CNTNAP2: variants seen among roughly 807,000 people sequenced by gnomAD.
CNTNAP2 encodes the protein contactin-associated protein-like 2.
A neutral mutation model predicts 155.2 loss-of-function variants in CNTNAP2; 98 were observed. The observed-to-expected ratio is 0.63, with a 90% CI of 0.54 to 0.75. The LOEUF is 0.75. Among genes scored for constraint, CNTNAP2 ranks in the 30% least tolerant of loss-of-function variants. CNTNAP2 has a pLI of 0.00. For synonymous variants in CNTNAP2, 651 were observed against 631.2 expected, an observed-to-expected ratio of 1.03 and a Z score of -0.47; for missense variants, 1,727 against 1,688.1, an observed-to-expected ratio of 1.02 and a Z score of -0.40.
intron 15 of CNTNAP2, among the ~76,000 whole-genome samples, chr7:148,111,494 A>G: frequency 6.6e-6 from 1 of 152,136 alleles, no homozygotes; most frequent in East Asian, 1.9e-4. Context: ...TTTCCAAAGA[A>G]GTAGAACACA....
intron 14 of CNTNAP2, among the ~76,000 whole-genome samples, chr7:147,920,827 T>TTTTTA (rs58376928): frequency 7.7e-6 from 1 of 130,322 alleles, no homozygotes; most frequent in African/African-American, 2.8e-5. Flanking sequence ...TTTTTTTTTT[T>TTTTTA]GAGATGGAGT....
At chr7:146,453,325 A>G (rs1474979405) in intron 1 of CNTNAP2, among the ~76,000 whole-genome samples, 2 of 152,210 alleles carry the variant, frequency 1.3e-5, no homozygotes, top group South Asian at 2.1e-4. Flanking sequence ...CTCATAATTC[A>G]TGGGGCATGG....
intron 8 of CNTNAP2, among the ~76,000 whole-genome samples, chr7:147,294,429 C>A (rs1216775131): frequency 6.6e-6 from 1 of 152,128 alleles, no homozygotes; most frequent in African/African-American, 2.4e-5. Context: ...TCATCTTCAC[C>A]TTTGTCTTAG....
At chr7:147,041,059 C>A (rs1799251154) in intron 3 of CNTNAP2, among the ~76,000 whole-genome samples, 1 of 152,116 alleles carries the variant, frequency 6.6e-6, no homozygotes, top group Non-Finnish European at 1.5e-5. Context: ...TCTTCTTGCT[C>A]CCAGTATGAT....
intron 15 of CNTNAP2, among the ~76,000 whole-genome samples, chr7:148,032,768 G>C (rs1802502401): frequency 6.6e-6 from 1 of 152,156 alleles, no homozygotes; most frequent in Non-Finnish European, 1.5e-5. Context: ...TGACGCGAAG[G>C]CTGCTTGCCA....
chr7:146,233,585 A>G (rs1217972102), intron 1 of CNTNAP2, among the ~76,000 whole-genome samples: 2 of 152,106 alleles, frequency 1.3e-5, no homozygotes, highest in Non-Finnish European at 2.9e-5. Context: ...ATTTAGCATT[A>G]GGTATATCTC....
At chr7:148,205,540 G>A (rs773199887) in intron 18 of CNTNAP2, among the ~76,000 whole-genome samples, 4 of 152,164 alleles carry the variant, frequency 2.6e-5, no homozygotes, top group African/African-American at 7.2e-5. Context: ...AAGAGCATTC[G>A]TTAAGCTGTA....
At chr7:146,874,849 T>C (rs1163861548) in intron 3 of CNTNAP2, among the ~76,000 whole-genome samples, 1 of 152,224 alleles carries the variant, frequency 6.6e-6, no homozygotes, top group East Asian at 1.9e-4. Flanking sequence ...CAGAGTCTTA[T>C]CAGTTTCCCA....
intron 8 of CNTNAP2, among the ~76,000 whole-genome samples, chr7:147,221,926 A>G (rs763163931): frequency 3.9e-5 from 6 of 152,104 alleles, no homozygotes; most frequent in Non-Finnish European, 8.8e-5. Flanking sequence ...TCTTGCTTGC[A>G]TGGTTTCTGA....
intron 1 of CNTNAP2, among the ~76,000 whole-genome samples, chr7:146,667,908 G>A (rs542166760): frequency 1.3e-5 from 2 of 152,062 alleles, no homozygotes; most frequent in South Asian, 4.2e-4. Context: ...ATAGGATCAT[G>A]TCATCTGCAG....
At chr7:147,948,265 G>C (rs1314760195) in intron 14 of CNTNAP2, among the ~76,000 whole-genome samples, 3 of 151,990 alleles carry the variant, frequency 2.0e-5, no homozygotes, top group Non-Finnish European at 4.4e-5. Flanking sequence ...AGTGACTATA[G>C]TCAATAATGA....
chr7:146,602,891 G>A (rs1213107703), intron 1 of CNTNAP2, among the ~76,000 whole-genome samples: 1 of 143,748 alleles, frequency 7.0e-6, no homozygotes, highest in African/African-American at 2.5e-5. Flanking sequence ...ATTCTATCTT[G>A]GAGGTCTCTT....
intron 15 of CNTNAP2, among the ~76,000 whole-genome samples, chr7:148,064,035 G>T (rs1425780021): frequency 6.6e-6 from 1 of 151,980 alleles, no homozygotes; most frequent in Non-Finnish European, 1.5e-5. Flanking sequence ...AGATCAGTTG[G>T]CTGTAAGTAT....
At chr7:147,434,271 C>A (rs1304673508) in intron 10 of CNTNAP2, among the ~76,000 whole-genome samples, 1 of 152,082 alleles carries the variant, frequency 6.6e-6, no homozygotes, top group Non-Finnish European at 1.5e-5. Context: ...GATTTCTATT[C>A]TTCAGTTTAA....
At chr7:147,296,317 A>G (rs892187643) in intron 8 of CNTNAP2, among the ~76,000 whole-genome samples, 3 of 152,192 alleles carry the variant, frequency 2.0e-5, no homozygotes, top group Admixed American at 6.6e-5. Flanking sequence ...GGGAAATGCT[A>G]TGGTGAAGAT....
At chr7:146,794,286 C>A (rs560637009) in intron 2 of CNTNAP2, among the ~76,000 whole-genome samples, 1 of 152,226 alleles carries the variant, frequency 6.6e-6, no homozygotes, top group East Asian at 1.9e-4. Flanking sequence ...TTATATGCAA[C>A]CTTCTGTTTA....
intron 17 of CNTNAP2, among the ~76,000 whole-genome samples, chr7:148,157,336 C>T (rs1007171085): frequency 6.6e-6 from 1 of 151,996 alleles, no homozygotes; most frequent in Non-Finnish European, 1.5e-5. Flanking sequence ...TCAATGGTTA[C>T]CCAATAAATA....
chr7:148,058,007 C>T (rs1275384175), intron 15 of CNTNAP2, among the ~76,000 whole-genome samples: 2 of 146,338 alleles, frequency 1.4e-5, no homozygotes, highest in Non-Finnish European at 1.5e-5. Flanking sequence ...TTGCTTTTGA[C>T]AAAGTGAACT....
chr7:146,429,398 T>G (rs2129116568), intron 1 of CNTNAP2, among the ~76,000 whole-genome samples: 1 of 152,294 alleles, frequency 6.6e-6, no homozygotes, highest in African/African-American at 2.4e-5. Context: ...TGTTCTAATT[T>G]TTTTGAGCAG....
Sources: gnomAD v4.1 joint callset for allele counts (sites outside exome capture counted in the v4.1 genomes callset) on GRCh38, gnomAD v4.1.1 for gene constraint, MANE v1.5 for transcripts, NCBI Gene and HGNC (gene_info 2026-07-23, HGNC 2026-07-21) for gene names.